Variants in TSPAN11 observed in about 807,000 individuals in gnomAD.
TSPAN11 encodes tetraspanin-11.
A neutral mutation model predicts 32.9 loss-of-function variants in TSPAN11; 29 were observed. The observed-to-expected ratio is 0.88, with a 90% CI of 0.66 to 1.20. TSPAN11 has a LOEUF of 1.20. Ranked by LOEUF, TSPAN11 falls within the 50% of genes most tolerant of loss-of-function variation. The pLI, the probability that TSPAN11 is intolerant of heterozygous loss-of-function variation, is 0.00. For synonymous variants in TSPAN11, 140 were observed against 141.3 expected, an observed-to-expected ratio of 0.99 and a Z score of 0.07; for missense variants, 283 against 329.1, an observed-to-expected ratio of 0.86 and a Z score of 1.08.
chr12:30,928,984 T>C (rs566975987), intron 1 of TSPAN11, among the ~76,000 whole-genome samples: 4 of 152,092 alleles, frequency 2.6e-5, no homozygotes, highest in African/African-American at 9.6e-5. Flanking sequence ...TGTGAATGAG[T>C]GAGTGAGTGA....
At chr12:30,967,640 T>C (rs1373837859) in intron 3 of TSPAN11, among the ~76,000 whole-genome samples, 2 of 137,030 alleles carry the variant, frequency 1.5e-5, no homozygotes, top group Non-Finnish European at 3.3e-5. Context: ...GAAACTGAGG[T>C]CAGAAAAAAG....
At chr12:30,979,533 C>G in intron 4 of TSPAN11, 33 bp from the exon 5 acceptor site, 1 of 1,607,926 alleles carries the variant, frequency 6.2e-7, no homozygotes, top group Non-Finnish European at 8.5e-7. Flanking sequence ...GGGCTGGTCC[C>G]GCTGATGGGG....
chr12:30,939,117 T>C (rs745562675), intron 1 of TSPAN11, among the ~76,000 whole-genome samples: 6 of 151,898 alleles, frequency 4.0e-5, no homozygotes, highest in Non-Finnish European at 7.4e-5. Flanking sequence ...GGTGCATGCC[T>C]GTAGTCCCAG....
intron 2 of TSPAN11, among the ~76,000 whole-genome samples, chr12:30,958,065 G>A (rs946766102): frequency 1.3e-5 from 2 of 152,008 alleles, no homozygotes; most frequent in Non-Finnish European, 2.9e-5. Flanking sequence ...TGCTGGGAGA[G>A]GGGGGCAGGG....
chr12:30,983,075 C>T lies in TSPAN11; in HGVS notation c.627C>T (p.Leu209=). Residue 209 remains leucine, a synonymous_variant, in exon 7 of 8, where the codon CTC becomes CTT. Coordinates refer to ENST00000546076, the MANE Select transcript of TSPAN11 (RefSeq NM_001370302.1). ...SNIYKVEGGC[L]TKLEQFLADH... is the part of the protein sequence containing the mutation. ...CCCTTCTCTTACAGGGAGGCTGCCT[C>T]ACCAAGCTGGAGCAGTTCCTGGCCG... The T allele has an allele frequency of 1.9e-6, 3 of 1,612,938 alleles. No homozygotes were observed. Among genetic ancestry groups the T allele is most frequent in the Non-Finnish European group, 2.5e-6 (3 of 1,179,988 alleles).
In TSPAN11 at chr12:30,963,014, T is replaced by G. The variant is rs1232553906; in HGVS notation, c.85-812T>G. On this transcript the variant is annotated intron_variant, in intron 2 of 7. Coordinates refer to ENST00000546076, the MANE Select transcript of TSPAN11 (RefSeq NM_001370302.1). ...CCAAGCCGAGCCATCCCTGCTATAT[T>G]TCCCAAGTACTCCAGTTTCTAAGGA... is the stretch of plus-strand genomic sequence containing the variant. 2.0e-5 allele frequency among the ~76,000 whole-genome samples: 3 copies of G among 152,200 alleles called. No homozygotes were observed. In the East Asian group the frequency reaches 5.8e-4, roughly 29 times the overall value.
At chr12:30,942,144 A>G (rs1592464175) in intron 1 of TSPAN11, among the ~76,000 whole-genome samples, 1 of 152,206 alleles carries the variant, frequency 6.6e-6, no homozygotes, top group Non-Finnish European at 1.5e-5. Flanking sequence ...GGGTTACCCA[A>G]TCTTTTCCCA....
chr12:30,991,886 C>T lies in TSPAN11; in HGVS notation c.733C>T (p.His245Tyr). The T allele has an allele frequency of 6.2e-7, 1 of 1,614,196 alleles. No individual in the cohort carries two copies. Among genetic ancestry groups the T allele is most frequent in the Non-Finnish European group, 8.5e-7 (1 of 1,180,026 alleles). Residue 245 changes from histidine (H) to tyrosine (Y), a missense_variant, in exon 8 of 8, where the codon CAC (histidine) becomes TAC (tyrosine). By Grantham distance (83) the His-to-Tyr change is moderately conservative. Coordinates refer to ENST00000546076, the MANE Select transcript of TSPAN11 (RefSeq NM_001370302.1). ...CGGGATGGTTCTCACCTGCTGCTTG[C>T]ACCAGAGGCTCCAGCGGCATTTTTA... The part of the protein sequence containing the change: ...ICGMVLTCCL[H>Y]QRLQRHFY
intron 2 of TSPAN11, among the ~76,000 whole-genome samples, chr12:30,963,455 G>A (rs778733368): frequency 7.3e-4 from 111 of 152,338 alleles, no homozygotes; most frequent in Non-Finnish European, 1.8e-4. Flanking sequence ...TAGGAGCCAG[G>A]GGTGGCAGGA....
chr12:30,933,183 G>C (rs1565786790), intron 1 of TSPAN11, among the ~76,000 whole-genome samples: 2 of 152,168 alleles, frequency 1.3e-5, no homozygotes, highest in South Asian at 4.1e-4. Context: ...TCAGGCACAG[G>C]CTGGGGCATC....
chr12:31,008,902 G>A, the TSPAN11 span, among the ~76,000 whole-genome samples: 6 of 152,262 alleles, frequency 3.9e-5, no homozygotes, highest in East Asian at 1.9e-4. Flanking sequence ...GGAGAGACTC[G>A]GAAGGTCACC....
chr12:30,972,678 G>C (rs573329001), intron 3 of TSPAN11, among the ~76,000 whole-genome samples: 1 of 152,094 alleles, frequency 6.6e-6, no homozygotes, highest in African/African-American at 2.4e-5. Flanking sequence ...AAGGGCAGAG[G>C]GGGCAGAAAC....
At chr12:30,951,226 C>T (rs1480981888) in intron 1 of TSPAN11, among the ~76,000 whole-genome samples, 1 of 152,134 alleles carries the variant, frequency 6.6e-6, no homozygotes, top group Non-Finnish European at 1.5e-5. Flanking sequence ...TTGCCTATAC[C>T]ACTTCTTATA....
Position 30,992,123 on chromosome 12 carries a change from G to A in TSPAN11, c.*208G>A, listed in dbSNP as rs1377093849. 6 of 620,984 alleles carry A rather than the reference G, an allele frequency of 9.7e-6. No homozygotes were observed. The East Asian group carries it at 1.7e-4, about 17-fold the overall frequency. The allele number at this position is 620,984 out of a possible 1,614,324, so 38.5% of individuals were successfully genotyped here. A position where few individuals can be genotyped will look rare whatever the true frequency, so the allele number is the denominator to read the frequency against. ...CCTCGGCCCCCTCTCCTCCATTTCT[G>A]AGCCCCCATGGCCAGATCCTGGGCA... On this transcript the variant is annotated 3_prime_UTR_variant, in exon 8 of 8. Coordinates refer to ENST00000546076, the MANE Select transcript of TSPAN11 (RefSeq NM_001370302.1).
the TSPAN11 span, among the ~76,000 whole-genome samples, chr12:31,014,896 A>G: frequency 3.9e-5 from 6 of 152,220 alleles, no homozygotes; most frequent in Non-Finnish European, 8.8e-5. Context: ...TGAAAAGATG[A>G]CAATCACTTC....
At chr12:30,981,574 T>A (rs1939093448) in intron 5 of TSPAN11, among the ~76,000 whole-genome samples, 1 of 131,646 alleles carries the variant, frequency 7.6e-6, no homozygotes, top group Non-Finnish European at 1.8e-5. Flanking sequence ...CTGTGTGCTG[T>A]CATGCTCTCC....
chr12:30,946,709 T>C lies in TSPAN11; in HGVS notation c.-11-7272T>C, dbSNP rs550527756. On this transcript the variant is annotated intron_variant, in intron 1 of 7. Coordinates refer to ENST00000546076, the MANE Select transcript of TSPAN11 (RefSeq NM_001370302.1). ...CAGACAGGCAGAGAGGAGCAGGTGT[T>C]TCTGATTCAGATCACAGCGTGAATG... 2.6e-5 allele frequency among the ~76,000 whole-genome samples: 4 copies of C among 152,274 alleles called. No homozygotes were observed. In the East Asian group the frequency reaches 5.8e-4, roughly 22 times the overall value.
rs557360798 is a variant in TSPAN11, at chr12:30,926,773, G to T, written c.-35G>T. ...AGTCTCTCTAGGCGCAGCTCCCTTC[G>T]CCGCTTCCGGAGCCCCTGGCAGGGT... On this transcript the variant is annotated 5_prime_UTR_variant, in exon 1 of 8. Transcript: ENST00000546076. 83 of 331,154 alleles carry T rather than the reference G, an allele frequency of 2.5e-4. No homozygotes were observed. The highest frequency in any genetic ancestry group is 1.9e-3 in the African/African-American group (81 of 43,066). The allele number at this position is 331,154 out of a possible 1,614,324, so 20.5% of individuals were successfully genotyped here.
At chr12:30,990,476 G>A (rs1342698605) in intron 7 of TSPAN11, among the ~76,000 whole-genome samples, 4 of 152,192 alleles carry the variant, frequency 2.6e-5, no homozygotes, top group South Asian at 2.1e-4. Context: ...ACGGCATGAC[G>A]GCCGCCTGCG....
Sources: allele counts gnomAD v4.1 joint callset (sites outside exome capture counted in the v4.1 genomes callset), GRCh38; gene constraint gnomAD v4.1.1; transcripts MANE v1.5; gene names NCBI Gene and HGNC (gene_info 2026-07-23, HGNC 2026-07-21).